Variants in NXN observed in about 807,000 individuals in gnomAD.
NXN encodes the protein nucleoredoxin.
In NXN, 16 loss-of-function variants were observed where a neutral mutation model predicts 48.6. The ratio of observed to expected loss-of-function variants is 0.33; its 90% CI spans 0.22 to 0.50. NXN has a LOEUF of 0.50. Among genes scored for constraint, NXN ranks in the 20% least tolerant of loss-of-function variants. The pLI is 0.98. For synonymous variants in NXN, 281 were observed against 269.6 expected, an observed-to-expected ratio of 1.04 and a Z score of -0.41; for missense variants, 492 against 605.5, an observed-to-expected ratio of 0.81 and a Z score of 1.97.
At chr17:836,366 C>G (rs1281150652) in intron 1 of NXN, among the ~76,000 whole-genome samples, 2 of 152,368 alleles carry the variant, frequency 1.3e-5, no homozygotes, top group East Asian at 3.9e-4. Flanking sequence ...TTGGCCAGGT[C>G]AGCCAAGCCT....
At position 843,055 on chromosome 17, in the gene NXN, A is replaced by AGAAAGAAG. The variant is rs1567829182; in HGVS notation, c.361-16978_361-16977insCTTCTTTC. Among the ~76,000 whole-genome samples the AGAAAGAAG allele has an allele frequency of 1.7e-4, 20 of 116,426 alleles. No individual in the cohort carries two copies. In the South Asian group the frequency reaches 2.7e-3, roughly 16 times the overall value. 76.4% of individuals were successfully genotyped at this position (116,426 alleles called of 152,430 possible). A position where few individuals can be genotyped will look rare whatever the true frequency, so the allele number is the denominator to read the frequency against. ...AAGAAAGAAAGAAAGAAAGAAAGAA[A>AGAAAGAAG]GAAGGAAGAAAGCAAGCAAGCAAGC... On this transcript the variant is annotated intron_variant, in intron 1 of 7. Transcript: ENST00000336868.
intron 1 of NXN, among the ~76,000 whole-genome samples, chr17:974,886 A>C (rs1302823609): frequency 6.6e-6 from 1 of 151,658 alleles, no homozygotes; most frequent in East Asian, 1.9e-4. Context: ...GAGTGTAGTG[A>C]CACAAACATG....
intron 1 of NXN, among the ~76,000 whole-genome samples, chr17:950,431 A>C (rs2069095674): frequency 6.6e-6 from 1 of 152,068 alleles, no homozygotes; most frequent in Non-Finnish European, 1.5e-5. Flanking sequence ...AAGGCAGGGA[A>C]CTATATCTGG....
intron 1 of NXN, among the ~76,000 whole-genome samples, chr17:872,613 CTTTTTTTT>C (rs34081114): frequency 5.3e-5 from 4 of 75,418 alleles, no homozygotes; most frequent in South Asian, 6.6e-4. Context: ...CGGGTGAGAT[CTTTTTTTT>C]TTTTTTTTTT....
At chr17:855,257 TA>T (rs1291752184) in intron 1 of NXN, among the ~76,000 whole-genome samples, 4 of 152,132 alleles carry the variant, frequency 2.6e-5, no homozygotes, top group African/African-American at 9.7e-5. Context: ...CAGCTTGAGC[TA>T]CAGAGCGAGA....
chr17:872,161 CGATGCTGAACCCGT>C (rs1179800397), intron 1 of NXN, among the ~76,000 whole-genome samples: 28 of 149,446 alleles, frequency 1.9e-4, no homozygotes, highest in Non-Finnish European at 7.4e-5. Flanking sequence ...TCAGAGGCCA[CGATGCTGAACCCGT>C]GAATCAAAGA....
At chr17:807,683 C>T (rs1025707171) in intron 5 of NXN, among the ~76,000 whole-genome samples, 5 of 152,234 alleles carry the variant, frequency 3.3e-5, no homozygotes, top group African/African-American at 4.8e-5. Flanking sequence ...TGACTGTCTG[C>T]ATAAGCAGAA....
At chr17:889,523 C>G (rs565431513) in intron 1 of NXN, among the ~76,000 whole-genome samples, 1 of 152,102 alleles carries the variant, frequency 6.6e-6, no homozygotes, top group Non-Finnish European at 1.5e-5. Context: ...AAGGCAAAAC[C>G]CTGTCTCCAC....
intron 1 of NXN, among the ~76,000 whole-genome samples, chr17:877,516 C>G (rs556577311): frequency 6.6e-6 from 1 of 152,250 alleles, no homozygotes; most frequent in African/African-American, 2.4e-5. Context: ...AAGCCCTGTG[C>G]TAAAGGCTGG....
rs150140562 is a variant in NXN, at chr17:906,572, GTTTT to G, written c.360+72743_360+72746del. Among the ~76,000 whole-genome samples, 931 of 145,928 alleles carry G rather than the reference GTTTT, an allele frequency of 6.4e-3. 3 individuals carry two copies. The highest frequency in any genetic ancestry group is 9.5e-3 in the Non-Finnish European group (636 of 66,796). On this transcript the variant is annotated intron_variant, in intron 1 of 7. Coordinates refer to ENST00000336868, the MANE Select transcript of NXN (RefSeq NM_022463.5). The stretch of plus-strand genomic sequence containing the variant: ...GTTTTGGGGTTTTTTTGGTTTCTGG[GTTTT>G]TTTTTTTTTTGAGACAGTCTCACTC...
intron 5 of NXN, among the ~76,000 whole-genome samples, chr17:815,397 A>T (rs2983481): frequency 0.017 from 2,485 of 142,940 alleles, 63 homozygotes; most frequent in African/African-American, 0.06. Context: ...TTCAGCTGAC[A>T]CCCATCCGTA....
intron 1 of NXN, among the ~76,000 whole-genome samples, chr17:918,111 T>A (rs545275164): frequency 6.6e-6 from 1 of 152,118 alleles, no homozygotes; most frequent in Non-Finnish European, 1.5e-5. Context: ...ACTAAGAAGA[T>A]GGGCCAAAAA....
intron 1 of NXN, among the ~76,000 whole-genome samples, chr17:928,236 C>T (rs540721254): frequency 1.4e-4 from 21 of 152,270 alleles, no homozygotes; most frequent in Admixed American, 2.6e-4. Flanking sequence ...ACAGCACCAC[C>T]TCTTTAAAAA....
chr17:853,723 A>AT (rs1221156589), intron 1 of NXN, among the ~76,000 whole-genome samples: 7,039 of 105,874 alleles, frequency 0.066, 365 homozygotes, highest in South Asian at 0.19. Context: ...ATATATATAT[A>AT]TTTTTTTTTT....
intron 1 of NXN, among the ~76,000 whole-genome samples, chr17:977,134 G>A (rs945917894): frequency 1.3e-5 from 2 of 152,190 alleles, no homozygotes; most frequent in African/African-American, 4.8e-5. Flanking sequence ...AAGAAGGACA[G>A]CTGGAGTCTT....
intron 5 of NXN, among the ~76,000 whole-genome samples, chr17:817,666 T>G (rs1208852168): frequency 7.0e-6 from 1 of 142,466 alleles, no homozygotes; most frequent in Non-Finnish European, 1.5e-5. Context: ...AAGACTCCAA[T>G]TCAGGAAAAA....
At chr17:822,538 C>G in intron 3 of NXN, 81 bp from the exon 4 acceptor site, 3 of 1,035,464 alleles carry the variant, frequency 2.9e-6, no homozygotes, top group Non-Finnish European at 4.5e-6. Context: ...GCCGGGTTAG[C>G]AGGACTCAAG....
At chr17:936,183 A>T (rs2068905830) in intron 1 of NXN, among the ~76,000 whole-genome samples, 1 of 150,674 alleles carries the variant, frequency 6.6e-6, no homozygotes, top group African/African-American at 2.4e-5. Context: ...TCTCACCAGC[A>T]CGCCACTCGA....
chr17:850,291 C>T (rs59237065), intron 1 of NXN, among the ~76,000 whole-genome samples: 1,603 of 152,292 alleles, frequency 0.011, 24 homozygotes, highest in African/African-American at 0.037. Flanking sequence ...CCTGCTCCCA[C>T]GAGGTACGAG....
Sources: gnomAD v4.1 joint callset for allele counts (sites outside exome capture counted in the v4.1 genomes callset) on GRCh38, gnomAD v4.1.1 for gene constraint, MANE v1.5 for transcripts, NCBI Gene and HGNC (gene_info 2026-07-23, HGNC 2026-07-21) for gene names.